Variants in BEND3 observed in about 807,000 individuals in gnomAD.
BEND3 encodes the protein BEN domain containing 3.
A neutral mutation model predicts 60.1 loss-of-function variants in BEND3; 13 were observed. That is an observed-to-expected ratio of 0.22 (90% CI 0.14 to 0.34). BEND3 has a LOEUF of 0.34. BEND3 is among the 10% of genes least tolerant of loss of function. The pLI is 1.00. For missense variants in BEND3, 896 were observed against 1,138.1 expected (o/e 0.79, Z 3.06); for synonymous variants, 497 against 491.5 (o/e 1.01, Z -0.15).
chr6:107,103,646 AAAAAAG>A (rs781792537), intron 1 of BEND3, among the ~76,000 whole-genome samples: 84 of 151,262 alleles, frequency 5.6e-4, no homozygotes, highest in Non-Finnish European at 1.0e-3. Context: ...TAAGCCTAGG[AAAAAAG>A]AAAAAGAAAA....
At chr6:107,074,648 T>C (rs1228437110) in intron 3 of BEND3, among the ~76,000 whole-genome samples, 1 of 152,156 alleles carries the variant, frequency 6.6e-6, no homozygotes, top group African/African-American at 2.4e-5. Context: ...CCTTTATGTT[T>C]CTTCTGTTCT....
intron 3 of BEND3, among the ~76,000 whole-genome samples, chr6:107,077,278 T>A (rs1582645556): frequency 6.6e-6 from 1 of 151,594 alleles, no homozygotes. Context: ...GCCAAAACAA[T>A]TTTTTTTTAA....
Position 107,069,429 on chromosome 6 carries a change from G to T in BEND3, c.1762C>A (p.His588Asn). 4 of 1,612,580 alleles carry T rather than the reference G, an allele frequency of 2.5e-6. No homozygotes were observed. The highest frequency in any genetic ancestry group is 3.4e-6 in the Non-Finnish European group (4 of 1,180,038). The stretch of plus-strand genomic sequence containing the variant: ...TTGTACTGCTTGCGCAGGTTCTCGT[G>T]CGTGAAGAGCTCGGGGAACAGGTGC... ...LVHLFPELFT[H>N]ENLRKQYNCS... Residue 588 changes from histidine to asparagine, a missense_variant, in exon 4 of 4, where the codon CAC (histidine) becomes AAC (asparagine). Coordinates refer to ENST00000369042, the MANE Select transcript of BEND3 (RefSeq NM_001367314.1).
rs1554230704 is a variant in BEND3, at chr6:107,065,784, A to C, written c.*2920T>G. 6.6e-6 allele frequency: 1 copy of C among 152,178 alleles called. No individual in the cohort carries two copies. Among genetic ancestry groups the C allele is most frequent in the Non-Finnish European group, 1.5e-5 (1 of 68,040 alleles). The allele number at this position is 152,178 out of a possible 1,614,324, so 9.4% of individuals were successfully genotyped here. On this transcript the variant is annotated 3_prime_UTR_variant, in exon 4 of 4. Coordinates refer to ENST00000369042, the MANE Select transcript of BEND3 (RefSeq NM_001367314.1). ...GTTGGTTGGTTGATGATTGCTGCTG[A>C]TGTGGTTCCCCACTCCCCACAAACA...
chr6:107,081,098 G>A (rs1334270177), intron 3 of BEND3, among the ~76,000 whole-genome samples: 2 of 152,088 alleles, frequency 1.3e-5, no homozygotes, highest in Non-Finnish European at 2.9e-5. Context: ...GTAGAGATGG[G>A]GGTTTCGCCA....
intron 3 of BEND3, among the ~76,000 whole-genome samples, chr6:107,087,103 G>A (rs1307855921): frequency 2.0e-5 from 3 of 151,274 alleles, no homozygotes; most frequent in East Asian, 3.9e-4. Context: ...AGGCCGAGGC[G>A]GGTGGACCAC....
intron 3 of BEND3, among the ~76,000 whole-genome samples, chr6:107,096,206 C>A (rs1011649219): frequency 1.3e-5 from 2 of 152,166 alleles, no homozygotes; most frequent in African/African-American, 4.8e-5. Flanking sequence ...AAAATAAAGT[C>A]TGTTAAAACA....
Position 107,098,599 on chromosome 6 carries a change from G to A in BEND3, c.192C>T (p.Gly64=), listed in dbSNP as rs1775638029. Residue 64 remains glycine (G), a synonymous_variant, in exon 3 of 4, where the codon GGC becomes GGT. Coordinates refer to ENST00000369042, the MANE Select transcript of BEND3 (RefSeq NM_001367314.1). ...TCACGCCGGGGACAGAGTCTAGCAG[G>A]CCATCGCTGACCAGCTGCTTTCGTT... ...SSKRKQLVSD[G]LLDSVPGVKR... 1 of 1,613,682 alleles carries A rather than the reference G, an allele frequency of 6.2e-7. No homozygotes were observed. Among genetic ancestry groups the A allele is most frequent in the Non-Finnish European group, 8.5e-7 (1 of 1,180,036 alleles).
chr6:107,105,656 C>G (rs1272509632), intron 1 of BEND3, among the ~76,000 whole-genome samples: 1 of 152,188 alleles, frequency 6.6e-6, no homozygotes, highest in Non-Finnish European at 1.5e-5. Context: ...GGGAGTCACA[C>G]AGGACAAGCG....
intron 3 of BEND3, among the ~76,000 whole-genome samples, chr6:107,087,342 C>G (rs1046509854): frequency 6.6e-6 from 1 of 151,692 alleles, no homozygotes; most frequent in Non-Finnish European, 1.5e-5. Flanking sequence ...AAAGAAAAAA[C>G]GACAAGGCGT....
Position 107,068,659 on chromosome 6 carries a change from G to A in BEND3, c.*45C>T, listed in dbSNP as rs371277180. 42 of 1,581,546 alleles carry A rather than the reference G, an allele frequency of 2.7e-5. No individual in the cohort carries two copies. Among genetic ancestry groups the A allele is most frequent in the Non-Finnish European group, 3.2e-5 (37 of 1,164,528 alleles). On this transcript the variant is annotated 3_prime_UTR_variant, in exon 4 of 4. Coordinates refer to ENST00000369042, the MANE Select transcript of BEND3 (RefSeq NM_001367314.1). This position sits in a 1 kb window ranked among gnomAD's most constrained non-coding sequence, Gnocchi z 5.8. The stretch of plus-strand genomic sequence containing the variant: ...TTGCTCAGTCCCAAGGGTGCCCATC[G>A]CTCAGCCTCTGGTGACCCCGAATCT...
chr6:107,080,348 C>G (rs189125861), intron 3 of BEND3, among the ~76,000 whole-genome samples: 1 of 110,138 alleles, frequency 9.1e-6, no homozygotes, highest in Non-Finnish European at 1.8e-5. Context: ...GAATGAGATC[C>G]CATCTCAAAA....
chr6:107,098,745 T>G lies in BEND3; in HGVS notation c.46A>C (p.Ser16Arg). Residue 16 changes from serine to arginine, a missense_variant, in exon 3 of 4, where the codon AGT becomes CGT. Physicochemically the swap from Ser to Arg is moderately radical, Grantham distance 110. This residue lies in a region of BEND3 where 846 missense variants were observed against 1,036.7 expected (regional missense o/e 0.82). Coordinates refer to ENST00000369042, the MANE Select transcript of BEND3 (RefSeq NM_001367314.1). ...TCTGTCTCCACTTTCACAGTGATACTTTTTAGAACTGTGTCAGAGAAGAAA... is the reference window on the plus strand; with the variant it reads ...TCTGTCTCCACTTTCACAGTGATACGTTTTAGAACTGTGTCAGAGAAGAAA... ...FTEDVEEVLK[S>R]ITVKVETEAE... The G allele has an allele frequency of 6.2e-7, 1 of 1,613,556 alleles. No individual in the cohort carries two copies. The highest frequency in any genetic ancestry group is 8.5e-7 in the Non-Finnish European group (1 of 1,179,592).
intron 1 of BEND3, among the ~76,000 whole-genome samples, chr6:107,101,203 A>G (rs1015106188): frequency 3.9e-5 from 6 of 152,092 alleles, no homozygotes; most frequent in Admixed American, 6.5e-5. Context: ...CTCTGTCTCA[A>G]AAAAAAAGAA....
chr6:107,085,134 C>T (rs546536082), intron 3 of BEND3, among the ~76,000 whole-genome samples: 2 of 152,270 alleles, frequency 1.3e-5, no homozygotes, highest in East Asian at 3.9e-4. Context: ...AGAGCTGTAA[C>T]ACTCACTGCG....
chr6:107,073,207 A>G (rs868938544), intron 3 of BEND3, among the ~76,000 whole-genome samples: 151 of 2,726 alleles, frequency 0.055, 1 homozygote, highest in African/African-American at 0.12. Context: ...GTATGTATAT[A>G]TATATATATA....
intron 3 of BEND3, among the ~76,000 whole-genome samples, chr6:107,087,792 CT>C (rs34765639): frequency 0.65 from 59,777 of 92,350 alleles, 19,580 homozygotes; most frequent in East Asian, 0.71. Flanking sequence ...AATGAAAATA[CT>C]TTTTTTTTTT....
At chr6:107,087,003 C>T (rs1476553914) in intron 3 of BEND3, among the ~76,000 whole-genome samples, 4 of 118,534 alleles carry the variant, frequency 3.4e-5, no homozygotes, top group Admixed American at 2.1e-4. Context: ...CCAGTTTGGG[C>T]GACAGAGCAA....
At position 107,070,600 on chromosome 6, in the gene BEND3, C is replaced by T. The variant is rs1554231878; in HGVS notation, c.591G>A (p.Gln197=). 3 of 1,612,558 alleles carry T rather than the reference C, an allele frequency of 1.9e-6. No individual in the cohort carries two copies. The highest frequency in any genetic ancestry group is 1.7e-5 in the Admixed American group (1 of 60,020). The part of the protein sequence containing the change: ...DNDPNIYFLI[Q]KMFYMLNTLT... Reference sequence around the variant, plus strand: ...GGGTGTTCAGCATGTAGAACATCTTCTGGATCAGGAAGTAGATGTTGGGGT... The same window carrying T: ...GGGTGTTCAGCATGTAGAACATCTTTTGGATCAGGAAGTAGATGTTGGGGT... Residue 197 remains glutamine, a synonymous_variant, in exon 4 of 4, where the codon CAG becomes CAA. Transcript: ENST00000369042. The surrounding 1 kb of genome is among the most constrained non-coding windows in gnomAD (Gnocchi z 6.9).
Sources: allele counts gnomAD v4.1 joint callset (sites outside exome capture counted in the v4.1 genomes callset), GRCh38; gene constraint gnomAD v4.1.1; regional missense constraint gnomAD v4.1.1; non-coding constraint Gnocchi (gnomAD v3.1); transcripts MANE v1.5; gene names NCBI Gene and HGNC (gene_info 2026-07-23, HGNC 2026-07-21).